The following PRKG2 variants were observed in gnomAD, a reference collection of about 807,000 sequenced individuals.
PRKG2 encodes protein kinase cGMP-dependent 2, also known as cGMP-dependent protein kinase 2.
PRKG2 carries 33 observed loss-of-function variants against 97.2 expected under a neutral mutation model. That is an observed-to-expected ratio of 0.34 (90% CI 0.26 to 0.45). The LOEUF (loss-of-function observed/expected upper bound fraction) is 0.45, where lower values mean the gene tolerates loss of function less well. Among genes scored for constraint, PRKG2 ranks in the 20% least tolerant of loss-of-function variants. The probability of loss-of-function intolerance (pLI) is 1.00; values close to 1 mark genes in which losing one functional copy is unlikely to be tolerated. For missense variants in PRKG2, 638 were observed against 900.0 expected, an observed-to-expected ratio of 0.71 and a Z score of 3.73; for synonymous variants, 330 against 321.8, an observed-to-expected ratio of 1.03 and a Z score of -0.27.
intron 1 of PRKG2, among the ~76,000 whole-genome samples, chr4:81,209,970 G>A (rs1159515840): frequency 6.6e-6 from 1 of 152,036 alleles, no homozygotes; most frequent in Non-Finnish European, 1.5e-5. Flanking sequence ...GCAAAGACAA[G>A]TCAATGGAGA....
At chr4:81,093,870 TA>T (rs1741853218) in intron 17 of PRKG2, among the ~76,000 whole-genome samples, 1 of 152,174 alleles carries the variant, frequency 6.6e-6, no homozygotes, top group African/African-American at 2.4e-5. Flanking sequence ...CAGGATCTTA[TA>T]ATAAGAACAT....
chr4:81,117,346 C>A (rs565476971), intron 14 of PRKG2, among the ~76,000 whole-genome samples: 1 of 152,136 alleles, frequency 6.6e-6, no homozygotes, highest in Admixed American at 6.5e-5. Flanking sequence ...TTTTATTGTT[C>A]ACTTTTCAAT....
chr4:81,155,076 G>A (rs1409030152), intron 6 of PRKG2, among the ~76,000 whole-genome samples: 1 of 148,664 alleles, frequency 6.7e-6, no homozygotes, highest in African/African-American at 2.5e-5. Flanking sequence ...TACTTGGGAG[G>A]CTGAGGCAGG....
chr4:81,144,307 G>T lies in PRKG2; in HGVS notation c.1178C>A (p.Thr393Lys). ...DRETFNQTVG[T>K]FEELQKYLEG... ...AAGGTATTTTTGCAGCTCTTCAAATGTACCGACAGTTTGGTTGAATGTTCT... is the reference window on the plus strand; with the variant it reads ...AAGGTATTTTTGCAGCTCTTCAAATTTACCGACAGTTTGGTTGAATGTTCT... Residue 393 changes from threonine to lysine, a missense_variant, in exon 10 of 19, where the codon ACA becomes AAA. Coordinates refer to ENST00000264399, the MANE Select transcript of PRKG2 (RefSeq NM_006259.3). 6.2e-7 allele frequency: 1 copy of T among 1,610,920 alleles called. No individual in the cohort carries two copies.
intron 5 of PRKG2, among the ~76,000 whole-genome samples, chr4:81,167,436 G>A (rs1448324911): frequency 1.3e-5 from 2 of 151,930 alleles, no homozygotes; most frequent in Non-Finnish European, 2.9e-5. Flanking sequence ...ATGTGCCACA[G>A]GCAAACAAAT....
intron 5 of PRKG2, among the ~76,000 whole-genome samples, chr4:81,167,918 G>T (rs1483227578): frequency 3.3e-5 from 5 of 151,924 alleles, no homozygotes; most frequent in African/African-American, 1.2e-4. Flanking sequence ...TTCAACAACT[G>T]CTTTCTCTTC....
chr4:81,207,860 G>C (rs907573836), intron 1 of PRKG2, among the ~76,000 whole-genome samples: 8 of 152,116 alleles, frequency 5.3e-5, no homozygotes, highest in African/African-American at 1.9e-4. Context: ...TGAAGCCAAG[G>C]TTTCAAGTCT....
intron 6 of PRKG2, among the ~76,000 whole-genome samples, chr4:81,157,541 G>C (rs919870637): frequency 7.2e-5 from 11 of 152,096 alleles, no homozygotes; most frequent in African/African-American, 1.9e-4. Flanking sequence ...AACTATTCCA[G>C]TCCATAGAAA....
chr4:81,167,747 G>A (rs2110079336), intron 5 of PRKG2, among the ~76,000 whole-genome samples: 1 of 152,102 alleles, frequency 6.6e-6, no homozygotes, highest in East Asian at 1.9e-4. Context: ...TAAAATTAAT[G>A]ATAGCCAGAG....
chr4:81,118,004 C>T (rs896046847), intron 14 of PRKG2, among the ~76,000 whole-genome samples: 2 of 152,156 alleles, frequency 1.3e-5, no homozygotes, highest in African/African-American at 4.8e-5. Context: ...ATTTCTACTC[C>T]CCTGCCCCAA....
At chr4:81,144,072 G>C (rs187691145) in intron 10 of PRKG2, among the ~76,000 whole-genome samples, 160 bp downstream of exon 10, 1 of 152,114 alleles carries the variant, frequency 6.6e-6, no homozygotes, top group African/African-American at 2.4e-5. Context: ...AGTGGAAGTG[G>C]TGTTGTCTTT....
chr4:81,104,405 A>T lies in PRKG2; in HGVS notation c.2091T>A (p.Asn697Lys), dbSNP rs748432620. 3 of 1,475,756 alleles carry T rather than the reference A, an allele frequency of 2.0e-6. No homozygotes were observed. In the African/African-American group the frequency reaches 4.3e-5, roughly 21 times the overall value. The allele number at this position is 1,475,756 out of a possible 1,614,324, so 91.4% of individuals were successfully genotyped here. Residue 697 changes from asparagine (N) to lysine (K), a missense_variant, in exon 17 of 19, where the codon AAT becomes AAA. Physicochemically the swap from Asn to Lys is moderately conservative, Grantham distance 94. Around this residue, in one of 3 missense-constraint regions of PRKG2, gnomAD observed 304 missense variants for 460.5 expected, o/e 0.66. Transcript: ENST00000264399. ...CRQNPTERLGNLKNGINDIKK... is the reference protein window; with the variant it reads ...CRQNPTERLGKLKNGINDIKK... ...TAATGTCATTTATTCCATTCTTCAG[A>T]TTTCCCAGCCTTTCTGTTGGATTTT...
intron 14 of PRKG2, among the ~76,000 whole-genome samples, chr4:81,127,570 C>T (rs774566751): frequency 6.6e-6 from 1 of 152,088 alleles, no homozygotes; most frequent in Admixed American, 6.5e-5. Context: ...AGTTGTATTC[C>T]TAGGTTTTTT....
rs138211185 is a variant in PRKG2, at chr4:81,142,916, C to T, written c.1285G>A (p.Ala429Thr). The change falls in exon 11 of 19, where the codon GCA (alanine) becomes ACA (threonine). Residue 429 changes from alanine (A) to threonine (T), a missense_variant. By Grantham distance (58) the Ala-to-Thr change is moderately conservative. Coordinates refer to ENST00000264399, the MANE Select transcript of PRKG2 (RefSeq NM_006259.3). Reference sequence around the variant, plus strand: ...AGCTGAATCATTTCCAGAGAGAGTGCTTTGGACAGCTTCCAGTTAGACATG... The same window carrying T: ...AGCTGAATCATTTCCAGAGAGAGTGTTTTGGACAGCTTCCAGTTAGACATG... ...RSMSNWKLSK[A>T]LSLEMIQLKE... 82 of 1,612,358 alleles carry T rather than the reference C, an allele frequency of 5.1e-5. No individual in the cohort carries two copies. The highest frequency in any genetic ancestry group is 6.4e-5 in the Non-Finnish European group (75 of 1,178,980).
rs1741267975 is a variant in PRKG2 at position 81,088,366 on chromosome 4, A to G, written c.*1342T>C. 6.6e-6 allele frequency: 1 copy of G among 152,182 alleles called. No homozygotes were observed. The highest frequency in any genetic ancestry group is 2.4e-5 in the African/African-American group (1 of 41,452). 9.4% of individuals were successfully genotyped at this position (152,182 alleles called of 1,614,324 possible). ...GAAAATATAACCAGAAGCTTGAATA[A>G]TCCCGGAACTTATACAGTATTTTTA... On this transcript the variant is annotated 3_prime_UTR_variant, in exon 19 of 19. Coordinates refer to ENST00000264399, the MANE Select transcript of PRKG2 (RefSeq NM_006259.3).
At chr4:81,126,839 C>G (rs1254427576) in intron 14 of PRKG2, among the ~76,000 whole-genome samples, 1 of 151,980 alleles carries the variant, frequency 6.6e-6, no homozygotes, top group Admixed American at 6.6e-5. Flanking sequence ...ACTCTGATGA[C>G]AGTTTGTTTT....
chr4:81,134,673 T>C (rs1746497550), intron 14 of PRKG2, among the ~76,000 whole-genome samples: 2 of 152,144 alleles, frequency 1.3e-5, no homozygotes, highest in African/African-American at 4.8e-5. Context: ...ACCTGTACTC[T>C]AGGATTGTGA....
intron 2 of PRKG2, among the ~76,000 whole-genome samples, chr4:81,180,713 A>T (rs1324529893): frequency 6.6e-6 from 1 of 152,224 alleles, no homozygotes; most frequent in East Asian, 1.9e-4. Context: ...TTAATAGAAT[A>T]AGCCAACAAA....
At chr4:81,110,360 G>T in intron 15 of PRKG2, 88 bp downstream of exon 15, 1 of 1,342,334 alleles carries the variant, frequency 7.4e-7, no homozygotes, top group Non-Finnish European at 1.0e-6. Flanking sequence ...AAAATGTTAC[G>T]CTCTTAAAGT....
Sources: gnomAD v4.1 joint callset for allele counts (sites outside exome capture counted in the v4.1 genomes callset) on GRCh38, gnomAD v4.1.1 for gene constraint, gnomAD v4.1.1 regional missense constraint, MANE v1.5 for transcripts, NCBI Gene and HGNC (gene_info 2026-07-23, HGNC 2026-07-21) for gene names.